Variants in SPEN observed in about 807,000 individuals in gnomAD.
SPEN encodes spen family transcriptional repressor.
In SPEN, 18 loss-of-function variants were observed where a neutral mutation model predicts 269.9. The observed-to-expected ratio is 0.07, with a 90% CI of 0.05 to 0.10. The LOEUF (loss-of-function observed/expected upper bound fraction) is 0.10. Among genes scored for constraint, SPEN ranks in the 10% least tolerant of loss-of-function variants. SPEN has a pLI of 1.00. For synonymous variants in SPEN, 1,726 were observed against 1,765.7 expected (o/e 0.98, Z 0.56); for missense variants, 3,822 against 4,631.2 (o/e 0.83, Z 5.07).
chr1:15,889,509 T>G (rs2070769912), intron 3 of SPEN, among the ~76,000 whole-genome samples: 1 of 152,014 alleles, frequency 6.6e-6, no homozygotes, highest in African/African-American at 2.4e-5. Context: ...GAGGTTTTAT[T>G]CTTTATACAA....
Position 15,934,901 on chromosome 1 carries a change from A to C in SPEN, c.8661A>C (p.Val2887=), listed in dbSNP as rs2148742962. ...ACGTGGCCACCCATTCCACGTTGGT[A>C]CTGACCGCCCAGACATATAATGCCT... ...YANVATHSTL[V]LTAQTYNASP... The change falls in exon 11 of 15, where the codon GTA becomes GTC. Residue 2887 remains valine (V), a synonymous_variant. Coordinates refer to ENST00000375759, the MANE Select transcript of SPEN (RefSeq NM_015001.3). This position sits in a 1 kb window ranked among gnomAD's most constrained non-coding sequence, Gnocchi z 9.2. The C allele has an allele frequency of 1.2e-6, 2 of 1,614,052 alleles. No homozygotes were observed.
At chr1:15,850,594 C>G (rs1472794475) in intron 1 of SPEN, among the ~76,000 whole-genome samples, 4 of 152,132 alleles carry the variant, frequency 2.6e-5, no homozygotes, top group Non-Finnish European at 4.4e-5. Flanking sequence ...GTTTATCTTT[C>G]TGCATGTACA....
chr1:15,902,634 A>AC (rs1457311252), intron 3 of SPEN, among the ~76,000 whole-genome samples: 3 of 152,104 alleles, frequency 2.0e-5, no homozygotes, highest in Admixed American at 2.0e-4. Flanking sequence ...ACAAAGTAAG[A>AC]CCCCGTCTCT....
In SPEN at chr1:15,933,566, G is replaced by A; in HGVS notation, c.7326G>A (p.Glu2442=). 1.2e-6 allele frequency: 2 copies of A among 1,614,032 alleles called. No homozygotes were observed. Among genetic ancestry groups the A allele is most frequent in the Non-Finnish European group, 1.7e-6 (2 of 1,179,938 alleles). ...PPPPQPAPVD[E]EPQARFRVHS... is the part of the protein sequence containing the mutation. Reference sequence around the variant, plus strand: ...CTCCCCAGCCAGCACCGGTGGATGAGGAGCCTCAAGCCAGGTTCAGGGTGC... The same window carrying A: ...CTCCCCAGCCAGCACCGGTGGATGAAGAGCCTCAAGCCAGGTTCAGGGTGC... Residue 2442 remains glutamate (E), a synonymous_variant, in exon 11 of 15, where the codon GAG becomes GAA. Transcript: ENST00000375759. The surrounding 1 kb of genome is among the most constrained non-coding windows in gnomAD (Gnocchi z 5.7).
At chr1:15,925,864 A>G (rs910903037) in intron 10 of SPEN, among the ~76,000 whole-genome samples, 2 of 152,256 alleles carry the variant, frequency 1.3e-5, no homozygotes, top group Admixed American at 1.3e-4. Context: ...TAGAAGGTAT[A>G]TAATGTGTTC....
intron 3 of SPEN, among the ~76,000 whole-genome samples, chr1:15,884,705 C>T (rs1033922167): frequency 6.8e-6 from 1 of 146,326 alleles, no homozygotes; most frequent in South Asian, 2.2e-4. Context: ...CAATTCCTTT[C>T]CTTTTCCTTT....
Position 15,884,770 on chromosome 1 carries a change from C to T in SPEN, c.881+8092C>T, listed in dbSNP as rs574771160. On this transcript the variant is annotated intron_variant, in intron 3 of 14. Coordinates refer to ENST00000375759, the MANE Select transcript of SPEN (RefSeq NM_015001.3). ...TTTTTTTAAAGGCAGAGTCTTACTT[C>T]GTCACCGGGCTAGAGTGCAGTGGTG... 5.8e-4 allele frequency among the ~76,000 whole-genome samples: 87 copies of T among 150,420 alleles called. 4 individuals are homozygous for T. The South Asian group carries it at 0.017, about 29-fold the overall frequency.
rs924209244 is a variant in SPEN at position 15,928,721 on chromosome 1, G to T, written c.2481G>T (p.Lys827Asn). The change falls in exon 11 of 15, where the codon AAG (lysine) becomes AAT (asparagine). Residue 827 changes from lysine to asparagine, a missense_variant. By Grantham distance (94) the Lys-to-Asn change is moderately conservative. Coordinates refer to ENST00000375759, the MANE Select transcript of SPEN (RefSeq NM_015001.3). The surrounding 1 kb of genome is among the most constrained non-coding windows in gnomAD (Gnocchi z 5.7). ...DKTDKQKRKG[K>N]VHSPSSQSSE... ...CTGACAAGCAGAAACGCAAAGGAAA[G>T]GTTCACTCCCCTAGTTCTCAGTCTT... 1.1e-5 allele frequency: 17 copies of T among 1,613,940 alleles called. No individual in the cohort carries two copies. In the African/African-American group the frequency reaches 1.5e-4, roughly 14 times the overall value.
intron 2 of SPEN, chr1:15,873,581 A>G: frequency 1.0e-6 from 1 of 996,174 alleles, no homozygotes; most frequent in Non-Finnish European, 1.2e-6. Flanking sequence ...TTCACTACAT[A>G]AAGTGTACAA....
At position 15,932,431 on chromosome 1, in the gene SPEN, A is replaced by G. The variant is rs1359356127; in HGVS notation, c.6191A>G (p.Glu2064Gly). ...PPETAPVEVVEKKPAPEKNSK... is the reference protein window; with the variant it reads ...PPETAPVEVVGKKPAPEKNSK... ...GAAACCGCCCCTGTTGAAGTTGTAG[A>G]GAAAAAACCGGCCCCTGAAAAAAAC... Residue 2064 changes from glutamate (E) to glycine (G), a missense_variant, in exon 11 of 15, where the codon GAG becomes GGG. Glu to Gly is a moderately conservative substitution (Grantham distance 98). This residue lies in a region of SPEN where 727 missense variants were observed against 737.9 expected (regional missense o/e 0.99). Coordinates refer to ENST00000375759, the MANE Select transcript of SPEN (RefSeq NM_015001.3). This position sits in a 1 kb window ranked among gnomAD's most constrained non-coding sequence, Gnocchi z 4.2. The G allele has an allele frequency of 6.2e-7, 1 of 1,613,876 alleles. No homozygotes were observed. Among genetic ancestry groups the G allele is most frequent in the South Asian group, 1.1e-5 (1 of 91,058 alleles).
rs848213 is a variant in SPEN, at chr1:15,937,769, G to C, written c.10510-43G>C. On this transcript the variant is annotated intron_variant, in intron 12 of 14. Coordinates refer to ENST00000375759, the MANE Select transcript of SPEN (RefSeq NM_015001.3). The surrounding 1 kb of genome is among the most constrained non-coding windows in gnomAD (Gnocchi z 5.7). ...CTGGCTGTGTCCAGCATGGCTCAGC[G>C]AGGGGCCATGAGCTCACTTCCTGTT... is the stretch of plus-strand genomic sequence containing the variant. 2 of 1,611,542 alleles carry C rather than the reference G, an allele frequency of 1.2e-6. No homozygotes were observed. Among genetic ancestry groups the C allele is most frequent in the Non-Finnish European group, 1.7e-6 (2 of 1,179,072 alleles).
rs1233183148 is a variant in SPEN, at chr1:15,936,089, G to C, written c.9849G>C (p.Leu3283=). 2.5e-6 allele frequency: 4 copies of C among 1,605,606 alleles called. No individual in the cohort carries two copies. Among genetic ancestry groups the C allele is most frequent in the South Asian group, 1.1e-5 (1 of 90,572 alleles). Residue 3283 remains leucine, a synonymous_variant, in exon 11 of 15, where the codon CTG becomes CTC. Coordinates refer to ENST00000375759, the MANE Select transcript of SPEN (RefSeq NM_015001.3). ...GTAACCAACTCCAGGGGCTGCCTCT[G>C]ACCCCTCCTGTGGTGGTGACCCATG... The part of the protein sequence containing the change: ...TPSNQLQGLP[L]TPPVVVTHGV...
At chr1:15,902,009 A>C (rs1158747456) in intron 3 of SPEN, among the ~76,000 whole-genome samples, 1 of 147,132 alleles carries the variant, frequency 6.8e-6, no homozygotes, top group Non-Finnish European at 1.5e-5. Context: ...GCTCGCTGCA[A>C]CCTCCACTTC....
intron 3 of SPEN, among the ~76,000 whole-genome samples, chr1:15,890,011 G>A (rs540642248): frequency 9.2e-5 from 14 of 152,100 alleles, no homozygotes; most frequent in South Asian, 4.2e-4. Flanking sequence ...CACCGCACCC[G>A]GCCTATAGAA....
At chr1:15,894,287 C>T (rs753588046) in intron 3 of SPEN, among the ~76,000 whole-genome samples, 4 of 152,114 alleles carry the variant, frequency 2.6e-5, no homozygotes, top group African/African-American at 7.2e-5. Flanking sequence ...ACTGCTGCCA[C>T]GTTGGAAGGA....
At chr1:15,873,425 T>A in intron 2 of SPEN, 1 of 1,112,660 alleles carries the variant, frequency 9.0e-7, no homozygotes, top group Non-Finnish European at 1.1e-6. Context: ...TACTTATTCC[T>A]TCTCTTGGAT....
chr1:15,859,602 C>G (rs551369201), intron 1 of SPEN, among the ~76,000 whole-genome samples: 19 of 152,004 alleles, frequency 1.2e-4, no homozygotes, highest in African/African-American at 3.6e-4. Context: ...ATCTCCTGAC[C>G]TTGTGATCCG....
At chr1:15,907,005 C>G (rs1399434138) in intron 3 of SPEN, among the ~76,000 whole-genome samples, 1 of 151,912 alleles carries the variant, frequency 6.6e-6, no homozygotes, top group African/African-American at 2.4e-5. Context: ...TTTTGAACTC[C>G]TGGCCTCAAG....
chr1:15,876,295 T>A lies in SPEN; in HGVS notation c.498T>A (p.Asp166Glu), dbSNP rs2070629526. ...TGGFDRTRHY[D>E]QDYYRDPRER... is the part of the protein sequence containing the mutation. ...GATTTGATCGGACAAGACATTACGA[T>A]CAGGATTACTATAGAGATCCTCGAG... Residue 166 changes from aspartate (D) to glutamate (E), a missense_variant, in exon 3 of 15, where the codon GAT (aspartate) becomes GAA (glutamate). This residue lies in a region of SPEN where 327 missense variants were observed against 350.8 expected (regional missense o/e 0.93). Transcript: ENST00000375759. The A allele has an allele frequency of 3.7e-6, 6 of 1,613,992 alleles. No homozygotes were observed. The highest frequency in any genetic ancestry group is 8.5e-7 in the Non-Finnish European group (1 of 1,180,008).
Sources: allele counts gnomAD v4.1 joint callset (sites outside exome capture counted in the v4.1 genomes callset), GRCh38; gene constraint gnomAD v4.1.1; regional missense constraint gnomAD v4.1.1; non-coding constraint Gnocchi (gnomAD v3.1); transcripts MANE v1.5; gene names NCBI Gene and HGNC (gene_info 2026-07-23, HGNC 2026-07-21).